SIPA1L1: variants seen among roughly 807,000 people sequenced by gnomAD.
The protein encoded by SIPA1L1 is signal induced proliferation associated 1 like 1.
In SIPA1L1, 26 loss-of-function variants were observed where a neutral mutation model predicts 162.7. The observed-to-expected ratio is 0.16, with a 90% CI of 0.12 to 0.22. The LOEUF is 0.22. Among genes scored for constraint, SIPA1L1 ranks in the 10% least tolerant of loss-of-function variants. The pLI, the probability that SIPA1L1 is intolerant of heterozygous loss-of-function variation, is 1.00. For synonymous variants in SIPA1L1, 829 were observed against 837.4 expected, an observed-to-expected ratio of 0.99 and a Z score of 0.17; for missense variants, 1,874 against 2,241.0, an observed-to-expected ratio of 0.84 and a Z score of 3.31.
intron 5 of SIPA1L1, among the ~76,000 whole-genome samples, chr14:71,613,199 C>T (rs1464852602): frequency 6.6e-6 from 1 of 151,874 alleles, no homozygotes; most frequent in East Asian, 1.9e-4. Flanking sequence ...ATTTTAGAAA[C>T]TTATGGGAAC....
chr14:71,641,299 A>T (rs1267942825), intron 7 of SIPA1L1, among the ~76,000 whole-genome samples: 1 of 151,960 alleles, frequency 6.6e-6, no homozygotes, highest in Non-Finnish European at 1.5e-5. Flanking sequence ...AAAAAAAATC[A>T]AATATAGGCT....
chr14:71,630,457 A>G (rs2040457211), intron 7 of SIPA1L1, among the ~76,000 whole-genome samples: 1 of 152,240 alleles, frequency 6.6e-6, no homozygotes, highest in African/African-American at 2.4e-5. Flanking sequence ...TGCAGTTTGC[A>G]GTGAGAGAAC....
intron 2 of SIPA1L1, among the ~76,000 whole-genome samples, chr14:71,356,850 G>GTT (rs1028173088): frequency 6.9e-6 from 1 of 144,294 alleles, no homozygotes. Context: ...AAATTCCAGG[G>GTT]TTTTTTTTTT....
chr14:71,656,681 G>A (rs182383387), intron 8 of SIPA1L1, among the ~76,000 whole-genome samples: 165 of 152,216 alleles, frequency 1.1e-3, no homozygotes, highest in African/African-American at 3.6e-3. Context: ...TTAAGCCTTC[G>A]CATTTTATGT....
intron 2 of SIPA1L1, among the ~76,000 whole-genome samples, chr14:71,487,909 A>G (rs2048902280): frequency 6.6e-6 from 1 of 152,376 alleles, no homozygotes; most frequent in East Asian, 1.9e-4. Flanking sequence ...AAAGAGAACA[A>G]GAGTAGTCTT....
chr14:71,582,347 T>C lies in SIPA1L1; in HGVS notation c.-302-5224T>C, dbSNP rs569905380. Among the ~76,000 whole-genome samples, 87 of 152,074 alleles carry C rather than the reference T, an allele frequency of 5.7e-4. 1 individual carries two copies. Among genetic ancestry groups the C allele is most frequent in the African/African-American group, 2.1e-3 (85 of 41,450 alleles). ...AAGACCCTGTCTCAAATAGTAATAA[T>C]AATAATATTATTATTCCACCACGTA... On this transcript the variant is annotated intron_variant, in intron 4 of 23. Transcript: ENST00000381232.
At chr14:71,364,167 C>T (rs2038064177) in intron 2 of SIPA1L1, among the ~76,000 whole-genome samples, 1 of 152,190 alleles carries the variant, frequency 6.6e-6, no homozygotes, top group South Asian at 2.1e-4. Context: ...ATGATGGCAT[C>T]ATCACAGTCA....
At chr14:71,724,271 G>T (rs2084024350) in intron 18 of SIPA1L1, among the ~76,000 whole-genome samples, 2 of 152,120 alleles carry the variant, frequency 1.3e-5, no homozygotes, top group Admixed American at 1.3e-4. Context: ...CAAAGTGAGT[G>T]AGTACCCCTG....
intron 2 of SIPA1L1, among the ~76,000 whole-genome samples, chr14:71,405,138 G>A (rs2041951173): frequency 6.6e-6 from 1 of 152,216 alleles, no homozygotes; most frequent in African/African-American, 2.4e-5. Context: ...AAATGAATGA[G>A]TGAGCAAAGT....
At chr14:71,508,258 G>A (rs910397823) in intron 2 of SIPA1L1, among the ~76,000 whole-genome samples, 1 of 152,152 alleles carries the variant, frequency 6.6e-6, no homozygotes, top group Non-Finnish European at 1.5e-5. Flanking sequence ...TATGCTCATG[G>A]ACAAAGTTCT....
intron 2 of SIPA1L1, among the ~76,000 whole-genome samples, chr14:71,498,983 G>C (rs545418853): frequency 5.9e-5 from 9 of 152,108 alleles, no homozygotes; most frequent in Non-Finnish European, 1.3e-4. Flanking sequence ...GGATACTTCA[G>C]ATTCTTCAAA....
At chr14:71,356,378 A>G (rs1214052942) in intron 2 of SIPA1L1, among the ~76,000 whole-genome samples, 2 of 151,508 alleles carry the variant, frequency 1.3e-5, no homozygotes, top group Non-Finnish European at 2.9e-5. Flanking sequence ...TAAGCAGTAT[A>G]ATAGTAATCA....
intron 13 of SIPA1L1, among the ~76,000 whole-genome samples, chr14:71,687,958 T>G (rs2080990074): frequency 6.6e-6 from 1 of 152,166 alleles, no homozygotes; most frequent in Admixed American, 6.5e-5. Flanking sequence ...ATTTCAGATC[T>G]TAGGATGCAG....
chr14:71,464,723 A>C (rs1424163715), intron 2 of SIPA1L1, among the ~76,000 whole-genome samples: 1 of 152,024 alleles, frequency 6.6e-6, no homozygotes, highest in Non-Finnish European at 1.5e-5. Flanking sequence ...GCTTGATCCA[A>C]CTCTATGTTC....
intron 4 of SIPA1L1, among the ~76,000 whole-genome samples, chr14:71,545,679 T>G (rs1303008716): frequency 6.6e-6 from 1 of 152,164 alleles, no homozygotes; most frequent in Non-Finnish European, 1.5e-5. Context: ...TTATACATTT[T>G]TAAACTCCTT....
rs200384450 is a variant in SIPA1L1, at chr14:71,532,846, A to T, written c.-303+3476A>T. On this transcript the variant is annotated intron_variant, in intron 4 of 23. Coordinates refer to ENST00000381232, the MANE Select transcript of SIPA1L1 (RefSeq NM_001386936.1). The stretch of plus-strand genomic sequence containing the variant: ...TTTAGGAGATTCCTCCATGGTTCCC[A>T]TACTATTTTCCTTTGTGAGAAGGTA... 4.6e-5 allele frequency among the ~76,000 whole-genome samples: 7 copies of T among 152,318 alleles called. No individual in the cohort carries two copies. In the South Asian group the frequency reaches 1.5e-3, roughly 32 times the overall value.
At chr14:71,544,000 C>T (rs141694567) in intron 4 of SIPA1L1, among the ~76,000 whole-genome samples, 11 of 147,640 alleles carry the variant, frequency 7.5e-5, no homozygotes, top group Admixed American at 2.7e-4. Flanking sequence ...TATACACACA[C>T]GCACATGTAT....
intron 2 of SIPA1L1, among the ~76,000 whole-genome samples, chr14:71,469,312 C>A (rs555739983): frequency 6.6e-6 from 1 of 152,296 alleles, no homozygotes; most frequent in Admixed American, 6.5e-5. Context: ...TTGCTAGATC[C>A]ACATGAAAAC....
At chr14:71,430,440 A>G (rs940306410) in intron 2 of SIPA1L1, among the ~76,000 whole-genome samples, 3 of 152,128 alleles carry the variant, frequency 2.0e-5, no homozygotes. Flanking sequence ...TTTTATCTCT[A>G]CAATCCTCTA....
Sources: allele counts gnomAD v4.1 joint callset (sites outside exome capture counted in the v4.1 genomes callset), GRCh38; gene constraint gnomAD v4.1.1; transcripts MANE v1.5; gene names NCBI Gene and HGNC (gene_info 2026-07-23, HGNC 2026-07-21).